Variants in LRRC36 observed in about 807,000 individuals in gnomAD.
The protein encoded by LRRC36 is leucine-rich repeat-containing protein 36.
LRRC36 carries 62 observed loss-of-function variants against 81.1 expected under a neutral mutation model. The ratio of observed to expected loss-of-function variants is 0.76; its 90% CI spans 0.62 to 0.94. The LOEUF is 0.94. LRRC36 is among the 40% of genes least tolerant of loss of function. The pLI, the probability that LRRC36 is intolerant of heterozygous loss-of-function variation, is 0.00. For missense variants in LRRC36, 761 were observed against 881.7 expected, an observed-to-expected ratio of 0.86 and a Z score of 1.73; for synonymous variants, 334 against 348.6, an observed-to-expected ratio of 0.96 and a Z score of 0.47.
chr16:67,332,750 G>A (rs1234118021), intron 1 of LRRC36, among the ~76,000 whole-genome samples: 1 of 152,012 alleles, frequency 6.6e-6, no homozygotes, highest in Non-Finnish European at 1.5e-5. Context: ...AATGCTGTGG[G>A]TCATTGATGG....
chr16:67,339,136 C>T (rs2037908142), intron 1 of LRRC36, among the ~76,000 whole-genome samples: 2 of 151,110 alleles, frequency 1.3e-5, no homozygotes, highest in East Asian at 3.9e-4. Flanking sequence ...CTCAAGTGAT[C>T]CGCCCACCTC....
intron 1 of LRRC36, among the ~76,000 whole-genome samples, chr16:67,334,054 G>A (rs1352951734): frequency 6.6e-6 from 1 of 151,608 alleles, no homozygotes; most frequent in Non-Finnish European, 1.5e-5. Flanking sequence ...TTTTTGAGAT[G>A]GAGTCTCACT....
intron 1 of LRRC36, among the ~76,000 whole-genome samples, chr16:67,333,859 C>T (rs564230620): frequency 3.3e-5 from 5 of 152,030 alleles, no homozygotes; most frequent in African/African-American, 7.2e-5. Flanking sequence ...CCACCCACCC[C>T]GTTTCCCTTA....
At chr16:67,351,277 A>G (rs1352688057) in intron 5 of LRRC36, among the ~76,000 whole-genome samples, 1 of 152,196 alleles carries the variant, frequency 6.6e-6, no homozygotes, top group Admixed American at 6.5e-5. Flanking sequence ...CAATTCCTAA[A>G]AGCCAAGCAA....
At chr16:67,380,806 C>G (rs1040065673) in intron 12 of LRRC36, among the ~76,000 whole-genome samples, 3 of 152,192 alleles carry the variant, frequency 2.0e-5, no homozygotes, top group African/African-American at 7.2e-5. Flanking sequence ...TTCTAGAACT[C>G]TCCTACTCAA....
At chr16:67,344,116 C>T (rs1285987217) in intron 2 of LRRC36, among the ~76,000 whole-genome samples, 2 of 152,138 alleles carry the variant, frequency 1.3e-5, no homozygotes, top group African/African-American at 4.8e-5. Context: ...CATGCCCAGC[C>T]ACATCTGTGA....
intron 4 of LRRC36, among the ~76,000 whole-genome samples, chr16:67,349,533 G>A (rs937676558): frequency 6.6e-6 from 1 of 152,100 alleles, no homozygotes; most frequent in African/African-American, 2.4e-5. Context: ...ATTCTTGGCA[G>A]CAGAACCTTC....
At chr16:67,370,832 G>A (rs375180407) in intron 8 of LRRC36, 112 bp from the exon 9 acceptor site, 4 of 793,242 alleles carry the variant, frequency 5.0e-6, no homozygotes, top group Middle Eastern at 2.4e-4. Flanking sequence ...AGTTGAGGAT[G>A]TATGCTAGGG....
Position 67,346,396 on chromosome 16 carries a change from T to C in LRRC36, c.339T>C (p.Asp113=), listed in dbSNP as rs774928418. The C allele has an allele frequency of 5.0e-6, 8 of 1,613,492 alleles. No homozygotes were observed. Among genetic ancestry groups the C allele is most frequent in the Non-Finnish European group, 6.8e-6 (8 of 1,179,512 alleles). The change falls in exon 3 of 14, where the codon GAT becomes GAC. Residue 113 remains aspartate, a synonymous_variant. Coordinates refer to ENST00000329956, the MANE Select transcript of LRRC36 (RefSeq NM_018296.6). The part of the protein sequence containing the change: ...DLRLNPVVRK[D]TDYRLFAVYT... ...GACTTAATCCTGTTGTAAGGAAAGA[T>C]ACAGATTATAGGCTCTTTGCTGTAT...
rs1326358682 is a variant in LRRC36 at position 67,371,213 on chromosome 16, C to T, written c.1465C>T (p.His489Tyr). 5 of 1,614,050 alleles carry T rather than the reference C, an allele frequency of 3.1e-6. No individual in the cohort carries two copies. The African/African-American group carries it at 4.0e-5, about 13-fold the overall frequency. Residue 489 changes from histidine (H) to tyrosine (Y), a missense_variant, in exon 9 of 14, where the codon CAT becomes TAT. By Grantham distance (83) the His-to-Tyr change is moderately conservative (BLOSUM62 2). This residue lies in a region of LRRC36 where 359 missense variants were observed against 388.4 expected (regional missense o/e 0.92). Coordinates refer to ENST00000329956, the MANE Select transcript of LRRC36 (RefSeq NM_018296.6). ...DNILANLNLKHGFQDATGSEP... is the reference protein window; with the variant it reads ...DNILANLNLKYGFQDATGSEP... ...TATCCTTGCCAACCTGAATCTAAAG[C>T]ATGGTTTCCAAGATGCTACAGGCAG...
chr16:67,335,962 C>G (rs997457605), intron 1 of LRRC36, among the ~76,000 whole-genome samples: 1 of 152,174 alleles, frequency 6.6e-6, no homozygotes, highest in Non-Finnish European at 1.5e-5. Flanking sequence ...AAACCCCCAG[C>G]CTCAGGTGAT....
intron 13 of LRRC36, among the ~76,000 whole-genome samples, chr16:67,383,766 A>G (rs2040196444): frequency 6.6e-6 from 1 of 152,182 alleles, no homozygotes; most frequent in Admixed American, 6.5e-5. Flanking sequence ...CCCAATGTCA[A>G]CTCTATGAAA....
chr16:67,364,565 TG>T (rs2039300907), intron 6 of LRRC36, among the ~76,000 whole-genome samples: 1 of 152,226 alleles, frequency 6.6e-6, no homozygotes, highest in South Asian at 2.1e-4. Context: ...TCAGTTTCTT[TG>T]TTTTTGGAGA....
At chr16:67,362,541 CA>C (rs2039203101) in intron 5 of LRRC36, among the ~76,000 whole-genome samples, 1 of 152,080 alleles carries the variant, frequency 6.6e-6, no homozygotes, top group South Asian at 2.1e-4. Context: ...CCAGCCCCAT[CA>C]CTAATTTAAT....
At chr16:67,379,998 T>C (rs1489514744) in intron 12 of LRRC36, among the ~76,000 whole-genome samples, 2 of 152,110 alleles carry the variant, frequency 1.3e-5, no homozygotes, top group Non-Finnish European at 2.9e-5. Context: ...TTATATAATA[T>C]TTAGAATAAA....
At chr16:67,373,660 A>T (rs1432658665) in intron 9 of LRRC36, among the ~76,000 whole-genome samples, 1 of 140,474 alleles carries the variant, frequency 7.1e-6, no homozygotes, top group Non-Finnish European at 1.5e-5. Flanking sequence ...ACAAGCCAAG[A>T]TTGGGCCACT....
At chr16:67,369,074 A>G (rs767193131) in intron 8 of LRRC36, among the ~76,000 whole-genome samples, 1 of 152,212 alleles carries the variant, frequency 6.6e-6, no homozygotes, top group Non-Finnish European at 1.5e-5. Flanking sequence ...TGGTAATTGG[A>G]CATACTAGTC....
intron 5 of LRRC36, among the ~76,000 whole-genome samples, chr16:67,352,994 TTATTTA>T (rs1445614873): frequency 6.6e-6 from 1 of 152,118 alleles, no homozygotes; most frequent in Non-Finnish European, 1.5e-5. Flanking sequence ...GCCTGTTTAT[TTATTTA>T]TATTTATTTT....
chr16:67,334,776 A>G (rs2037677943), intron 1 of LRRC36, among the ~76,000 whole-genome samples: 2 of 151,876 alleles, frequency 1.3e-5, no homozygotes, highest in South Asian at 4.2e-4. Context: ...TATTTTCCCT[A>G]AGTGTCGGCC....
Sources: gnomAD v4.1 joint callset for allele counts (sites outside exome capture counted in the v4.1 genomes callset) on GRCh38, gnomAD v4.1.1 for gene constraint, gnomAD v4.1.1 regional missense constraint, MANE v1.5 for transcripts, NCBI Gene and HGNC (gene_info 2026-07-23, HGNC 2026-07-21) for gene names.